The following CDH8 variants were observed in gnomAD, a reference collection of about 807,000 sequenced individuals.
CDH8 encodes the protein cadherin 8.
A neutral mutation model predicts 68.1 loss-of-function variants in CDH8; 17 were observed. The observed-to-expected ratio is 0.25, with a 90% CI of 0.17 to 0.37. CDH8 has a LOEUF of 0.37. CDH8 is among the 10% of genes least tolerant of loss of function. CDH8 has a pLI of 1.00. For missense variants in CDH8, 763 were observed against 999.3 expected, an observed-to-expected ratio of 0.76 and a Z score of 3.19; for synonymous variants, 372 against 365.1, an observed-to-expected ratio of 1.02 and a Z score of -0.21.
chr16:61,915,787 G>T (rs1964229955), intron 2 of CDH8, among the ~76,000 whole-genome samples: 1 of 152,140 alleles, frequency 6.6e-6, no homozygotes, highest in African/African-American at 2.4e-5. Flanking sequence ...TGGAGAAGAG[G>T]CTAAGGATTG....
intron 2 of CDH8, among the ~76,000 whole-genome samples, chr16:61,922,329 T>C (rs2143416065): frequency 6.6e-6 from 1 of 152,296 alleles, no homozygotes; most frequent in East Asian, 1.9e-4. Flanking sequence ...CTTCTAAAGA[T>C]ATTTTTATTA....
At chr16:61,665,619 A>T (rs1274801439) in intron 10 of CDH8, among the ~76,000 whole-genome samples, 1 of 151,846 alleles carries the variant, frequency 6.6e-6, no homozygotes, top group Non-Finnish European at 1.5e-5. Context: ...ATGTATATCT[A>T]TGCAACAAAC....
intron 8 of CDH8, among the ~76,000 whole-genome samples, chr16:61,765,292 T>C (rs1960560823): frequency 6.6e-6 from 1 of 152,014 alleles, no homozygotes; most frequent in South Asian, 2.1e-4. Flanking sequence ...AATAAATCAA[T>C]AAAGAGATGA....
In CDH8 at chr16:61,652,660, G is replaced by A. The variant is rs1054193034; in HGVS notation, c.*948C>T. On this transcript the variant is annotated 3_prime_UTR_variant, in exon 12 of 12. Transcript: ENST00000577390. ...TATATTTATATAAAACAATCTAAAG[G>A]ATTATTAATGGATATAATTTAGTTT... The A allele has an allele frequency of 3.7e-5, 42 of 1,139,938 alleles. No individual in the cohort carries two copies. The African/African-American group carries it at 6.4e-4, about 17-fold the overall frequency. The allele number at this position is 1,139,938 out of a possible 1,614,324, so 70.6% of individuals were successfully genotyped here. A position where few individuals can be genotyped will look rare whatever the true frequency, so the allele number is the denominator to read the frequency against.
intron 8 of CDH8, among the ~76,000 whole-genome samples, chr16:61,775,133 G>A (rs1033626741): frequency 6.6e-6 from 1 of 152,146 alleles, no homozygotes; most frequent in Non-Finnish European, 1.5e-5. Context: ...GGAGGCCGAA[G>A]CAGGTGAATT....
chr16:62,002,864 T>C (rs1003938548), intron 2 of CDH8, among the ~76,000 whole-genome samples: 1 of 152,120 alleles, frequency 6.6e-6, no homozygotes, highest in Admixed American at 6.6e-5. Context: ...CCATCCTGGC[T>C]AACACGGTGA....
chr16:61,739,916 T>TATATATATATATG (rs1596919358), intron 8 of CDH8, among the ~76,000 whole-genome samples: 1 of 16,866 alleles, frequency 5.9e-5, no homozygotes. Context: ...TATATATGTA[T>TATATATATATATG]TTTTTTTTTT....
Position 61,748,558 on chromosome 16 carries a change from C to T in CDH8, c.1415-21343G>A, listed in dbSNP as rs189688037. 1.4e-3 allele frequency among the ~76,000 whole-genome samples: 210 copies of T among 151,414 alleles called. 5 individuals are homozygous for T. The Middle Eastern group carries it at 0.017, about 12-fold the overall frequency. On this transcript the variant is annotated intron_variant, in intron 8 of 11. Transcript: ENST00000577390. ...ATGTCTGAGATATTATTGAAACTTA[C>T]GAATAAAAATAAAACTAGGTAAAGA...
chr16:61,827,912 G>T (rs538596143), intron 4 of CDH8, among the ~76,000 whole-genome samples: 1 of 151,738 alleles, frequency 6.6e-6, no homozygotes, highest in East Asian at 1.9e-4. Flanking sequence ...ACAAACAGTC[G>T]ATTAACATAT....
chr16:61,813,736 G>C (rs540019725), intron 7 of CDH8, among the ~76,000 whole-genome samples: 2 of 151,886 alleles, frequency 1.3e-5, no homozygotes, highest in East Asian at 3.9e-4. Context: ...ATGTGTCTGC[G>C]TACCTAAATT....
At chr16:61,660,317 T>TA (rs1458463427) in intron 10 of CDH8, among the ~76,000 whole-genome samples, 2 of 150,900 alleles carry the variant, frequency 1.3e-5, no homozygotes, top group African/African-American at 4.9e-5. Context: ...AGAGGGACAA[T>TA]AAAAAATTAA....
intron 2 of CDH8, among the ~76,000 whole-genome samples, chr16:61,985,515 G>A (rs1021514380): frequency 6.6e-5 from 10 of 152,240 alleles, no homozygotes; most frequent in East Asian, 3.9e-4. Flanking sequence ...CTTTTGAGAC[G>A]GAGTTTCACT....
At chr16:62,034,192 AACACAC>A (rs71134383) in intron 1 of CDH8, among the ~76,000 whole-genome samples, 11 of 147,214 alleles carry the variant, frequency 7.5e-5, no homozygotes, top group Admixed American at 5.4e-4. Context: ...CTCTCTCTCA[AACACAC>A]ACACACACAC....
chr16:61,909,408 C>T (rs1964122197), intron 2 of CDH8, among the ~76,000 whole-genome samples: 1 of 152,134 alleles, frequency 6.6e-6, no homozygotes, highest in Admixed American at 6.6e-5. Context: ...ACCAAACAAC[C>T]AGCATGGTAC....
chr16:61,791,544 G>C (rs1961380538), intron 7 of CDH8, among the ~76,000 whole-genome samples: 1 of 151,950 alleles, frequency 6.6e-6, no homozygotes, highest in South Asian at 2.1e-4. Context: ...AGGCATTTCT[G>C]GTTCTAGTAA....
chr16:61,906,449 T>G (rs943985568), intron 2 of CDH8, among the ~76,000 whole-genome samples: 4 of 152,150 alleles, frequency 2.6e-5, no homozygotes, highest in Non-Finnish European at 5.9e-5. Flanking sequence ...ATAATCCCAG[T>G]CATATACAGT....
chr16:61,936,080 G>C (rs1964622731), intron 2 of CDH8, among the ~76,000 whole-genome samples: 1 of 151,910 alleles, frequency 6.6e-6, no homozygotes, highest in Non-Finnish European at 1.5e-5. Flanking sequence ...CTAAAATGGG[G>C]GCAATAGTAA....
chr16:61,835,053 A>G (rs997787117), intron 4 of CDH8, among the ~76,000 whole-genome samples: 5 of 151,976 alleles, frequency 3.3e-5, no homozygotes, highest in African/African-American at 1.2e-4. Context: ...GCTTAGTAAG[A>G]TATTTGTCCA....
intron 10 of CDH8, among the ~76,000 whole-genome samples, chr16:61,696,853 A>G (rs190075268): frequency 9.2e-5 from 14 of 152,290 alleles, no homozygotes; most frequent in African/African-American, 3.4e-4. Flanking sequence ...GAAACCAAAT[A>G]CTGCATGTTC....
Sources: gnomAD v4.1 joint callset for allele counts (sites outside exome capture counted in the v4.1 genomes callset) on GRCh38, gnomAD v4.1.1 for gene constraint, MANE v1.5 for transcripts, NCBI Gene and HGNC (gene_info 2026-07-23, HGNC 2026-07-21) for gene names.